Variants in DLG2 observed in about 807,000 individuals in gnomAD.
DLG2 encodes the protein disks large homolog 2.
DLG2 carries 45 observed loss-of-function variants against 132.5 expected under a neutral mutation model. The observed-to-expected ratio is 0.34, with a 90% CI of 0.27 to 0.44. DLG2 has a LOEUF of 0.44. Ranked by LOEUF, DLG2 falls within the 20% of genes least tolerant of loss-of-function variation. The pLI, the probability that DLG2 is intolerant of heterozygous loss-of-function variation, is 1.00. For synonymous variants in DLG2, 424 were observed against 419.6 expected, an observed-to-expected ratio of 1.01 and a Z score of -0.13; for missense variants, 1,045 against 1,196.9, an observed-to-expected ratio of 0.87 and a Z score of 1.87.
chr11:83,891,218 T>C (rs569294522), intron 15 of DLG2, among the ~76,000 whole-genome samples: 2 of 151,902 alleles, frequency 1.3e-5, no homozygotes, highest in South Asian at 2.1e-4. Context: ...GACTTAGTGA[T>C]AGGAAACATT....
chr11:85,431,967 T>C (rs1459858052), intron 3 of DLG2, among the ~76,000 whole-genome samples: 1 of 152,152 alleles, frequency 6.6e-6, no homozygotes, highest in African/African-American at 2.4e-5. Flanking sequence ...GGAGCAGGCA[T>C]CCATCTTTGC....
intron 6 of DLG2, among the ~76,000 whole-genome samples, chr11:84,951,448 T>C: frequency 6.6e-6 from 1 of 152,114 alleles, no homozygotes; most frequent in East Asian, 1.9e-4. Flanking sequence ...TGTTTGTAAT[T>C]AGGGTAGGAC....
chr11:83,738,937 C>T (rs2092261300), intron 18 of DLG2, among the ~76,000 whole-genome samples: 1 of 152,080 alleles, frequency 6.6e-6, no homozygotes, highest in African/African-American at 2.4e-5. Context: ...CTGTTGGTGA[C>T]AGTGAAGTCC....
intron 5 of DLG2, among the ~76,000 whole-genome samples, chr11:85,134,993 GA>G (rs1185978206): frequency 6.6e-6 from 1 of 152,146 alleles, no homozygotes; most frequent in African/African-American, 2.4e-5. Context: ...TCAGTAATTT[GA>G]AAAGGTCAAA....
intron 3 of DLG2, among the ~76,000 whole-genome samples, chr11:85,546,938 T>C (rs746247913): frequency 6.6e-6 from 1 of 150,596 alleles, no homozygotes; most frequent in African/African-American, 2.4e-5. Context: ...AGCACATCAA[T>C]GGGTCTTGAC....
chr11:84,134,076 G>A (rs1044938097), intron 9 of DLG2, among the ~76,000 whole-genome samples: 4 of 151,904 alleles, frequency 2.6e-5, no homozygotes, highest in African/African-American at 9.7e-5. Flanking sequence ...GCCTGTACTC[G>A]GTTAGATGCT....
In DLG2 at chr11:83,869,304, T is replaced by TA. The variant is rs560045046; in HGVS notation, c.1565+5115dup. On this transcript the variant is annotated intron_variant, in intron 16 of 27. Coordinates refer to ENST00000376104, the MANE Select transcript of DLG2 (RefSeq NM_001142699.3). ...TGGGAAATCTGAAGCACATTAGCTT[T>TA]AAAAAAAAAGCTTTTCCCACCCAGG... Among the ~76,000 whole-genome samples the TA allele has an allele frequency of 2.5e-3, 376 of 151,048 alleles. 3 individuals carry two copies. Among genetic ancestry groups the TA allele is most frequent in the East Asian group, 0.013 (65 of 5,142 alleles).
At chr11:84,991,533 A>AAGAG (rs2057121314) in intron 6 of DLG2, among the ~76,000 whole-genome samples, 1 of 151,400 alleles carries the variant, frequency 6.6e-6, no homozygotes, top group Non-Finnish European at 1.5e-5. Flanking sequence ...AAAAGAAAGA[A>AAGAG]AGAAAGGAAG....
rs191028336 is a variant in DLG2, at chr11:83,585,841, G to A, written c.1941-43983C>T. On this transcript the variant is annotated intron_variant, in intron 19 of 27. Transcript: ENST00000376104. The stretch of plus-strand genomic sequence containing the variant: ...TCAACATTCAAGGCTGAAAATACAC[G>A]AGAACAAGGTATATCATTACCATGG... Among the ~76,000 whole-genome samples the A allele has an allele frequency of 1.3e-3, 199 of 151,998 alleles. 2 individuals carry two copies. The highest frequency in any genetic ancestry group is 8.9e-3 in the South Asian group (43 of 4,826).
chr11:85,421,280 G>A (rs2090286931), intron 3 of DLG2, among the ~76,000 whole-genome samples: 1 of 152,006 alleles, frequency 6.6e-6, no homozygotes, highest in African/African-American at 2.4e-5. Context: ...TGCACCCACT[G>A]TTTAACCAGT....
At chr11:85,180,629 A>G (rs1043116066) in intron 4 of DLG2, among the ~76,000 whole-genome samples, 3 of 151,926 alleles carry the variant, frequency 2.0e-5, no homozygotes, top group Admixed American at 1.3e-4. Flanking sequence ...AGAAACCTGA[A>G]AATAAAAGCT....
chr11:85,537,134 T>A (rs1354745102), intron 3 of DLG2, among the ~76,000 whole-genome samples: 1 of 152,196 alleles, frequency 6.6e-6, no homozygotes, highest in Non-Finnish European at 1.5e-5. Context: ...CAATCAGAAC[T>A]CTGTGTCTAG....
intron 3 of DLG2, among the ~76,000 whole-genome samples, chr11:85,413,195 C>T (rs2089503879): frequency 6.6e-6 from 1 of 151,820 alleles, no homozygotes; most frequent in South Asian, 2.1e-4. Flanking sequence ...GTTTGTTGGC[C>T]ATTTGTATAT....
At chr11:83,966,466 G>T (rs1191228144) in intron 12 of DLG2, among the ~76,000 whole-genome samples, 1 of 151,882 alleles carries the variant, frequency 6.6e-6, no homozygotes, top group African/African-American at 2.4e-5. Context: ...CTGACTTCAT[G>T]GCAGTGGCAT....
chr11:85,541,847 A>C (rs75164688), intron 3 of DLG2, among the ~76,000 whole-genome samples: 4,357 of 152,248 alleles, frequency 0.029, 99 homozygotes, highest in East Asian at 0.097. Flanking sequence ...TTGAATTGCT[A>C]ACAAAATCCA....
At chr11:85,038,313 C>T (rs1029275969) in intron 6 of DLG2, among the ~76,000 whole-genome samples, 1 of 151,792 alleles carries the variant, frequency 6.6e-6, no homozygotes, top group African/African-American at 2.4e-5. Context: ...CATTTTTTTT[C>T]ACAGAAGGAA....
intron 21 of DLG2, among the ~76,000 whole-genome samples, chr11:83,505,109 T>A (rs956215014): frequency 6.6e-6 from 1 of 152,124 alleles, no homozygotes; most frequent in South Asian, 2.1e-4. Flanking sequence ...GGCAGAAGCA[T>A]TGTGTGCAGG....
rs189596760 is a variant in DLG2 at position 83,639,733 on chromosome 11, T to G, written c.1826-6408A>C. Reference sequence around the variant, plus strand: ...GTAACAAACCTGCATGTTATGCACATGTACCCTAAAACTTAAAGTATAATA... The same window carrying G: ...GTAACAAACCTGCATGTTATGCACAGGTACCCTAAAACTTAAAGTATAATA... On this transcript the variant is annotated intron_variant, in intron 18 of 27. Transcript: ENST00000376104. 3.3e-3 allele frequency among the ~76,000 whole-genome samples: 505 copies of G among 150,858 alleles called. 6 individuals are homozygous for G. Among genetic ancestry groups the G allele is most frequent in the Non-Finnish European group, 4.9e-3 (334 of 67,864 alleles).
At chr11:85,525,927 G>C (rs1380842389) in intron 3 of DLG2, among the ~76,000 whole-genome samples, 3 of 152,178 alleles carry the variant, frequency 2.0e-5, no homozygotes, top group African/African-American at 7.2e-5. Flanking sequence ...TAGCAGAGCA[G>C]TTATCAGTAC....
Sources: allele counts gnomAD v4.1 joint callset (sites outside exome capture counted in the v4.1 genomes callset), GRCh38; gene constraint gnomAD v4.1.1; transcripts MANE v1.5; gene names NCBI Gene and HGNC (gene_info 2026-07-23, HGNC 2026-07-21).